The following SLC24A3 variants were observed in gnomAD, a reference collection of about 807,000 sequenced individuals.
SLC24A3 encodes the protein sodium/potassium/calcium exchanger 3.
SLC24A3 carries 28 observed loss-of-function variants against 75.8 expected under a neutral mutation model. That is an observed-to-expected ratio of 0.37 (90% CI 0.27 to 0.51). SLC24A3 has a LOEUF of 0.51. Ranked by LOEUF, SLC24A3 falls within the 20% of genes least tolerant of loss-of-function variation. The probability of loss-of-function intolerance (pLI) is 0.94; values close to 1 mark genes in which losing one functional copy is unlikely to be tolerated. For synonymous variants in SLC24A3, 372 were observed against 334.1 expected (o/e 1.11, Z -1.24); for missense variants, 663 against 847.8 (o/e 0.78, Z 2.71).
intron 6 of SLC24A3, among the ~76,000 whole-genome samples, chr20:19,626,383 A>G (rs955655029): frequency 3.3e-5 from 5 of 152,186 alleles, no homozygotes; most frequent in African/African-American, 7.2e-5. Context: ...CTGTGATGTA[A>G]GTTACATATA....
chr20:19,693,657 C>T (rs2032772833), intron 13 of SLC24A3: 1 of 482,192 alleles, frequency 2.1e-6, no homozygotes, highest in East Asian at 3.4e-5. Context: ...TGCTATGCAG[C>T]TCTGCTTCAG....
At chr20:19,459,029 C>T (rs944521025) in intron 2 of SLC24A3, among the ~76,000 whole-genome samples, 1 of 152,130 alleles carries the variant, frequency 6.6e-6, no homozygotes, top group Admixed American at 6.5e-5. Flanking sequence ...TCACTTCCCC[C>T]CTCCAACATG....
intron 2 of SLC24A3, among the ~76,000 whole-genome samples, chr20:19,395,297 T>A (rs1417596259): frequency 6.6e-6 from 1 of 152,228 alleles, no homozygotes; most frequent in Admixed American, 6.5e-5. Flanking sequence ...CACTACAGAC[T>A]GTACACTTAG....
intron 6 of SLC24A3, among the ~76,000 whole-genome samples, chr20:19,592,846 A>C (rs1022236370): frequency 3.1e-5 from 4 of 129,786 alleles, no homozygotes; most frequent in Admixed American, 1.9e-4. Context: ...CCCATGCTGG[A>C]GTGCAGTGGC....
In SLC24A3 at chr20:19,388,758, C is replaced by T. The variant is rs184125049; in HGVS notation, c.271+107671C>T. On this transcript the variant is annotated intron_variant, in intron 2 of 16. Coordinates refer to ENST00000328041, the MANE Select transcript of SLC24A3 (RefSeq NM_020689.4). ...CTTTTTCCATCTTTTCACTTTCAGC[C>T]TATGCGTGTTCTTAAAACTAAAGTG... is the stretch of plus-strand genomic sequence containing the variant. 7.2e-5 allele frequency among the ~76,000 whole-genome samples: 11 copies of T among 152,302 alleles called. No individual in the cohort carries two copies. The East Asian group carries it at 2.1e-3, about 29-fold the overall frequency.
intron 3 of SLC24A3, among the ~76,000 whole-genome samples, chr20:19,541,179 C>T (rs2030489689): frequency 6.6e-6 from 1 of 152,126 alleles, no homozygotes; most frequent in Non-Finnish European, 1.5e-5. Context: ...AGGATAAAAC[C>T]CATGTGGAAA....
chr20:19,278,482 C>T (rs1983556670), intron 1 of SLC24A3, among the ~76,000 whole-genome samples: 1 of 152,236 alleles, frequency 6.6e-6, no homozygotes, highest in Admixed American at 6.5e-5. Flanking sequence ...CTTCTCCACA[C>T]TTTCAGATTA....
At position 19,646,751 on chromosome 20, in the gene SLC24A3, A is replaced by G. The variant is rs149527262; in HGVS notation, c.613-7311A>G. Reference sequence around the variant, plus strand: ...CTAGCCTTACCTCCAGGGGAACACTACTCCTGATTTAAAATGGCATGAATT... The same window carrying G: ...CTAGCCTTACCTCCAGGGGAACACTGCTCCTGATTTAAAATGGCATGAATT... On this transcript the variant is annotated intron_variant, in intron 6 of 16. Coordinates refer to ENST00000328041, the MANE Select transcript of SLC24A3 (RefSeq NM_020689.4). Among the ~76,000 whole-genome samples, 461 of 151,576 alleles carry G rather than the reference A, an allele frequency of 3.0e-3. 8 individuals are homozygous for G. The highest frequency in any genetic ancestry group is 0.029 in the Admixed American group (439 of 15,226).
At chr20:19,602,808 C>T (rs1158933715) in intron 6 of SLC24A3, among the ~76,000 whole-genome samples, 1 of 152,164 alleles carries the variant, frequency 6.6e-6, no homozygotes, top group Non-Finnish European at 1.5e-5. Flanking sequence ...GAGTCCCTGA[C>T]TCTCTCTCTG....
chr20:19,310,861 A>G (rs1392080766), intron 2 of SLC24A3, among the ~76,000 whole-genome samples: 2 of 152,238 alleles, frequency 1.3e-5, no homozygotes, highest in Non-Finnish European at 2.9e-5. Flanking sequence ...ACAAGCTCCA[A>G]GGACAGCCAG....
At chr20:19,564,552 G>T (rs2030925674) in intron 3 of SLC24A3, among the ~76,000 whole-genome samples, 1 of 152,044 alleles carries the variant, frequency 6.6e-6, no homozygotes, top group African/African-American at 2.4e-5. Flanking sequence ...ATCAGATAAG[G>T]TTCATCTAGT....
At chr20:19,434,808 A>T (rs1987168906) in intron 2 of SLC24A3, among the ~76,000 whole-genome samples, 1 of 151,732 alleles carries the variant, frequency 6.6e-6, no homozygotes, top group South Asian at 2.1e-4. Context: ...GGAGAGTCAC[A>T]TGTGCAGGGT....
At chr20:19,385,452 G>T (rs892745807) in intron 2 of SLC24A3, among the ~76,000 whole-genome samples, 3 of 152,132 alleles carry the variant, frequency 2.0e-5, no homozygotes, top group East Asian at 1.9e-4. Flanking sequence ...AACTGTAAAT[G>T]CATGAATTAA....
chr20:19,677,027 A>T (rs2032532407), intron 9 of SLC24A3, among the ~76,000 whole-genome samples: 1 of 152,224 alleles, frequency 6.6e-6, no homozygotes, highest in South Asian at 2.1e-4. Flanking sequence ...GTGACAGCTT[A>T]GTTAAGCTGT....
At chr20:19,473,304 A>G (rs770150774) in intron 2 of SLC24A3, among the ~76,000 whole-genome samples, 5 of 152,222 alleles carry the variant, frequency 3.3e-5, no homozygotes, top group Non-Finnish European at 5.9e-5. Flanking sequence ...ATTTATTTAC[A>G]TTATAAAGGT....
At chr20:19,314,370 G>A (rs868085388) in intron 2 of SLC24A3, among the ~76,000 whole-genome samples, 2 of 149,878 alleles carry the variant, frequency 1.3e-5, no homozygotes, top group South Asian at 4.2e-4. Context: ...CTGGAGTGCA[G>A]TGGCGCAATC....
At chr20:19,338,683 C>A (rs918956263) in intron 2 of SLC24A3, among the ~76,000 whole-genome samples, 2 of 152,298 alleles carry the variant, frequency 1.3e-5, no homozygotes, top group Admixed American at 1.3e-4. Context: ...CCTTTACATG[C>A]AGATGTGACC....
At chr20:19,361,727 A>G (rs1985793162) in intron 2 of SLC24A3, among the ~76,000 whole-genome samples, 1 of 152,224 alleles carries the variant, frequency 6.6e-6, no homozygotes, top group Non-Finnish European at 1.5e-5. Context: ...TTGGCAATAT[A>G]TTTTGAAATG....
chr20:19,245,383 G>T (rs1438869107), intron 1 of SLC24A3, among the ~76,000 whole-genome samples: 2 of 152,042 alleles, frequency 1.3e-5, no homozygotes, highest in African/African-American at 4.8e-5. Context: ...TATATAAAAA[G>T]ATATTTTAAA....
Sources: gnomAD v4.1 joint callset for allele counts (sites outside exome capture counted in the v4.1 genomes callset) on GRCh38, gnomAD v4.1.1 for gene constraint, MANE v1.5 for transcripts, NCBI Gene and HGNC (gene_info 2026-07-23, HGNC 2026-07-21) for gene names.